Variants in ABCA6 observed in about 807,000 individuals in gnomAD.
ABCA6 encodes ATP-binding cassette sub-family A member 6.
ABCA6 carries 164 observed loss-of-function variants against 191.2 expected under a neutral mutation model. The ratio of observed to expected loss-of-function variants is 0.86; its 90% CI spans 0.76 to 0.98. The LOEUF is 0.98. Among genes scored for constraint, ABCA6 ranks in the 50% least tolerant of loss-of-function variants. ABCA6 has a pLI of 0.00. For missense variants in ABCA6, 1,958 were observed against 1,894.1 expected (o/e 1.03, Z -0.63); for synonymous variants, 636 against 647.7 (o/e 0.98, Z 0.27).
intron 15 of ABCA6, 40 bp from the exon 16 acceptor site, chr17:69,112,313 C>A: frequency 6.7e-7 from 1 of 1,500,364 alleles, no homozygotes; most frequent in South Asian, 1.1e-5. Flanking sequence ...TATTGGGGGT[C>A]ATTTCTTCTT....
At chr17:69,120,713 C>T (rs879759649) in intron 10 of ABCA6, among the ~76,000 whole-genome samples, 1 of 151,946 alleles carries the variant, frequency 6.6e-6, no homozygotes, top group Admixed American at 6.6e-5. Flanking sequence ...TTAGGAGGAG[C>T]TGTTGTTTCT....
chr17:69,128,726 A>G lies in ABCA6; in HGVS notation c.1012T>C (p.Phe338Leu), dbSNP rs1359737341. The change falls in exon 8 of 39, where the codon TTT becomes CTT. Residue 338 changes from phenylalanine to leucine, a missense_variant. Physicochemically the swap from Phe to Leu is conservative, Grantham distance 22. Transcript: ENST00000284425. ...TNLVVFLLTL[F>L]WGCLGFTVFY... is the part of the protein sequence containing the mutation. The stretch of plus-strand genomic sequence containing the variant: ...ACAGTGAATCCCAGACATCCCCAAA[A>G]GAGGGTAAGGAGAAACACAACCAAA... 1 of 1,613,064 alleles carries G rather than the reference A, an allele frequency of 6.2e-7. No homozygotes were observed. The highest frequency in any genetic ancestry group is 8.5e-7 in the Non-Finnish European group (1 of 1,179,422).
At chr17:69,134,306 G>A (rs1260390641) in intron 5 of ABCA6, among the ~76,000 whole-genome samples, 1 of 152,116 alleles carries the variant, frequency 6.6e-6, no homozygotes, top group East Asian at 1.9e-4. Context: ...TGGGTCATGA[G>A]GGTGGAGCCC....
Position 69,114,815 on chromosome 17 carries a change from G to A in ABCA6, c.1729C>T (p.Leu577Phe). The A allele has an allele frequency of 1.2e-6, 2 of 1,612,526 alleles. No homozygotes were observed. The highest frequency in any genetic ancestry group is 1.7e-6 in the Non-Finnish European group (2 of 1,179,190). ...QFDILTVKENLSLFAKIKGIH... is the reference protein window; with the variant it reads ...QFDILTVKENFSLFAKIKGIH... ...CCTTTTATTTTAGCAAACAGGCTGA[G>A]GTTTTCCTTCACGGTGAGTATGTCA... Residue 577 changes from leucine to phenylalanine, a missense_variant, in exon 13 of 39, where the codon CTC (leucine) becomes TTC (phenylalanine). Leu to Phe is a conservative substitution (Grantham distance 22). Transcript: ENST00000284425.
rs147486009 is a variant in ABCA6, at chr17:69,086,729, C to T, written c.3826G>A (p.Val1276Ile). 2.7e-4 allele frequency: 434 copies of T among 1,609,026 alleles called. No homozygotes were observed. The African/African-American group carries it at 5.3e-3, about 20-fold the overall frequency. Residue 1276 changes from valine (V) to isoleucine (I), a missense_variant, in exon 30 of 39, where the codon GTT becomes ATT. Transcript: ENST00000284425. ...TTGTGTAGACAGCTGGCAATTATAA[C>T]AGGTTTCTAGAAGAGATGACAGCAT... ...LTTSILDEKPVIIASCLHKEY... is the reference protein window; with the variant it reads ...LTTSILDEKPIIIASCLHKEY...
Position 69,096,938 on chromosome 17 carries a change from T to C in ABCA6, c.3121-137A>G, listed in dbSNP as rs75066147. 2.6e-3 allele frequency: 1,746 copies of C among 676,064 alleles called. 22 individuals carry two copies. In the African/African-American group the frequency reaches 0.03, roughly 12 times the overall value. The allele number at this position is 676,064 out of a possible 1,614,324, so 41.9% of individuals were successfully genotyped here. ...TTCTAATATTAAAAAAAATTATGCA[T>C]ATACTGCTTAGTAACATGAGGCTTA... On this transcript the variant is annotated intron_variant, in intron 23 of 38. Coordinates refer to ENST00000284425, the MANE Select transcript of ABCA6 (RefSeq NM_080284.3).
rs1353280693 is a variant in ABCA6, at chr17:69,088,009, C to A, written c.3698+158G>T. On this transcript the variant is annotated intron_variant, in intron 28 of 38. Transcript: ENST00000284425. ...ACAGCCAGAACTCTGCCTGGGAGTTCTATCTCTTGGCAGTAAGGCAGCAAT... is the reference window on the plus strand; with the variant it reads ...ACAGCCAGAACTCTGCCTGGGAGTTATATCTCTTGGCAGTAAGGCAGCAAT... Among the ~76,000 whole-genome samples the A allele has an allele frequency of 8.5e-5, 13 of 152,166 alleles. No individual in the cohort carries two copies. In the East Asian group the frequency reaches 2.5e-3, roughly 29 times the overall value.
chr17:69,085,624 C>T lies in ABCA6; in HGVS notation c.4029+1G>A. 1 of 1,605,394 alleles carries T rather than the reference C, an allele frequency of 6.2e-7. No individual in the cohort carries two copies. Among genetic ancestry groups the T allele is most frequent in the Non-Finnish European group, 8.5e-7 (1 of 1,174,042 alleles). ...GGAAATGGAAACCATTTCCTCACTACCTCTCCAGCAGTTGGCTTTGTGATC... is the reference window on the plus strand; with the variant it reads ...GGAAATGGAAACCATTTCCTCACTATCTCTCCAGCAGTTGGCTTTGTGATC... On this transcript the variant is annotated splice_donor_variant, in intron 31 of 38. Transcript: ENST00000284425. LOFTEE classifies it high-confidence loss of function.
At position 69,107,765 on chromosome 17, in the gene ABCA6, A is replaced by T; in HGVS notation, c.2320T>A (p.Tyr774Asn). The change falls in exon 18 of 39, where the codon TAT becomes AAT. Residue 774 changes from tyrosine to asparagine, a missense_variant. Tyr to Asn is a moderately radical substitution (Grantham distance 143, BLOSUM62 -2). Transcript: ENST00000284425. Reference sequence around the variant, plus strand: ...TTTAGAGTTGACATGGAAATGTCATAACCTGTCACTCCCTGGTCAGAACAC... The same window carrying T: ...TTTAGAGTTGACATGGAAATGTCATTACCTGTCACTCCCTGGTCAGAACAC... ...DKCSDQGVTG[Y>N]DISMSTLNEV... 1 of 1,613,070 alleles carries T rather than the reference A, an allele frequency of 6.2e-7. No homozygotes were observed. Among genetic ancestry groups the T allele is most frequent in the African/African-American group, 1.3e-5 (1 of 74,998 alleles).
At chr17:69,116,766 G>A (rs1333754761) in intron 11 of ABCA6, among the ~76,000 whole-genome samples, 1 of 152,046 alleles carries the variant, frequency 6.6e-6, no homozygotes, top group Non-Finnish European at 1.5e-5. Context: ...ACTCCATGAG[G>A]AAGGAAGAGG....
intron 6 of ABCA6, among the ~76,000 whole-genome samples, chr17:69,132,732 G>T (rs996996948): frequency 2.0e-5 from 3 of 152,092 alleles, no homozygotes; most frequent in African/African-American, 7.2e-5. Flanking sequence ...CACCCGCCTG[G>T]GCCTTCCAAA....
At chr17:69,123,139 T>C (rs1210919542) in intron 10 of ABCA6, 100 bp downstream of exon 10, 17 of 719,220 alleles carry the variant, frequency 2.4e-5, no homozygotes, top group Non-Finnish European at 2.9e-5. Context: ...GTTGTGCACA[T>C]GTACCCTAAA....
Position 69,100,836 on chromosome 17 carries a change from G to T in ABCA6, c.2973C>A (p.His991Gln), listed in dbSNP as rs1282604474. The T allele has an allele frequency of 6.2e-7, 1 of 1,612,626 alleles. No homozygotes were observed. The highest frequency in any genetic ancestry group is 1.1e-5 in the South Asian group (1 of 90,792). ...ISNGLLQMFNHTQHIRIESSP... is the reference protein window; with the variant it reads ...ISNGLLQMFNQTQHIRIESSP... Reference sequence around the variant, plus strand: ...TTGACTCAATTCGAATATGTTGTGTGTGATTAAACATTTGAAGTAGCCCAT... The same window carrying T: ...TTGACTCAATTCGAATATGTTGTGTTTGATTAAACATTTGAAGTAGCCCAT... The change falls in exon 22 of 39, where the codon CAC becomes CAA. Residue 991 changes from histidine (H) to glutamine (Q), a missense_variant. Transcript: ENST00000284425.
intron 10 of ABCA6, among the ~76,000 whole-genome samples, chr17:69,121,779 A>G (rs1012685744): frequency 2.0e-5 from 3 of 152,020 alleles, no homozygotes; most frequent in African/African-American, 7.2e-5. Flanking sequence ...ATACAATATT[A>G]TTTTGTGCCC....
rs2073279467 is a variant in ABCA6, at chr17:69,105,543, A to G, written c.2659T>C (p.Phe887Leu). The change falls in exon 20 of 39, where the codon TTT becomes CTT. Residue 887 changes from phenylalanine (F) to leucine (L), a missense_variant. Physicochemically the swap from Phe to Leu is conservative, Grantham distance 22 (BLOSUM62 0). Transcript: ENST00000284425. Reference sequence around the variant, plus strand: ...GAGAGAAAATACAATTCGTTTTTAAATTCCCAATCGATCTTTTCATTTAAC... The same window carrying G: ...GAGAGAAAATACAATTCGTTTTTAAGTTCCCAATCGATCTTTTCATTTAAC... ...AMLNEKIDWE[F>L]KNELYFLSPG... 1 of 1,602,848 alleles carries G rather than the reference A, an allele frequency of 6.2e-7. No individual in the cohort carries two copies. The highest frequency in any genetic ancestry group is 1.3e-5 in the African/African-American group (1 of 74,798).
chr17:69,140,819 A>G (rs2074015630), intron 1 of ABCA6, 71 bp from the exon 2 acceptor site: 3 of 476,034 alleles, frequency 6.3e-6, no homozygotes, highest in South Asian at 5.5e-5. Flanking sequence ...TACCTTTAAA[A>G]AGTGTAAACA....
chr17:69,137,127 G>A (rs902224211), intron 3 of ABCA6, among the ~76,000 whole-genome samples, 169 bp downstream of exon 3: 3 of 152,168 alleles, frequency 2.0e-5, no homozygotes, highest in African/African-American at 7.2e-5. Flanking sequence ...ATATTTCAAA[G>A]GCTAGTTGTT....
At chr17:69,131,400 C>T (rs2073859150) in intron 6 of ABCA6, among the ~76,000 whole-genome samples, 1 of 152,102 alleles carries the variant, frequency 6.6e-6, no homozygotes, top group Admixed American at 6.6e-5. Context: ...TCTGTAGAAC[C>T]TACTTCCTGA....
At position 69,088,062 on chromosome 17, in the gene ABCA6, T is replaced by C. The variant is rs1384031349; in HGVS notation, c.3698+105A>G. 55 of 987,736 alleles carry C rather than the reference T, an allele frequency of 5.6e-5. No individual in the cohort carries two copies. The East Asian group carries it at 7.4e-4, about 13-fold the overall frequency. 61.2% of individuals were successfully genotyped at this position (987,736 alleles called of 1,614,324 possible). On this transcript the variant is annotated intron_variant, in intron 28 of 38. Coordinates refer to ENST00000284425, the MANE Select transcript of ABCA6 (RefSeq NM_080284.3). ...ACATTCCCTAATGACAATCAACATG[T>C]GCTTCCACTGTAAATGTAAATCTGT...
Sources: gnomAD v4.1 joint callset for allele counts (sites outside exome capture counted in the v4.1 genomes callset) on GRCh38, gnomAD v4.1.1 for gene constraint, MANE v1.5 for transcripts, NCBI Gene and HGNC (gene_info 2026-07-23, HGNC 2026-07-21) for gene names.